Variants in KCNU1 observed in about 807,000 individuals in gnomAD.
KCNU1 encodes the protein potassium channel subfamily U member 1.
Under a neutral mutation model 126.8 loss-of-function variants are expected in KCNU1, and 93 were observed. That is an observed-to-expected ratio of 0.73 (90% CI 0.62 to 0.87). KCNU1 has a LOEUF of 0.87. Among genes scored for constraint, KCNU1 ranks in the 40% least tolerant of loss-of-function variants. The pLI is 0.00. For missense variants in KCNU1, 1,330 were observed against 1,367.1 expected, an observed-to-expected ratio of 0.97 and a Z score of 0.43; for synonymous variants, 523 against 494.2, an observed-to-expected ratio of 1.06 and a Z score of -0.77.
At chr8:36,874,018 G>A (rs1421517295) in intron 19 of KCNU1, among the ~76,000 whole-genome samples, 1 of 152,148 alleles carries the variant, frequency 6.6e-6, no homozygotes, top group East Asian at 1.9e-4. Flanking sequence ...AGAGAAGTGA[G>A]TTTCCATACC....
intron 7 of KCNU1, among the ~76,000 whole-genome samples, chr8:36,810,584 G>A (rs1803675242): frequency 6.6e-6 from 1 of 152,262 alleles, no homozygotes; most frequent in East Asian, 1.9e-4. Context: ...GGGGATATTT[G>A]CAAAGACAAG....
chr8:36,864,589 T>C, intron 19 of KCNU1, 68 bp downstream of exon 19: 1 of 892,180 alleles, frequency 1.1e-6, no homozygotes, highest in Non-Finnish European at 1.9e-6. Context: ...ATATATTGTA[T>C]TTAAACCAGA....
chr8:36,788,950 A>G (rs761454721), intron 2 of KCNU1, among the ~76,000 whole-genome samples: 40 of 152,372 alleles, frequency 2.6e-4, no homozygotes, highest in Non-Finnish European at 1.3e-4. Context: ...GAAAAATTAC[A>G]TACCAATAAA....
intron 19 of KCNU1, among the ~76,000 whole-genome samples, chr8:36,887,382 G>T (rs1387957831): frequency 6.7e-6 from 1 of 149,410 alleles, no homozygotes; most frequent in Non-Finnish European, 1.5e-5. Flanking sequence ...TTTATCTGAT[G>T]ATTAGTTGAG....
chr8:36,923,205 GTACAAATGCCCACTGAACACC>G (rs1808424530), intron 24 of KCNU1, among the ~76,000 whole-genome samples: 2 of 152,260 alleles, frequency 1.3e-5, no homozygotes, highest in Admixed American at 6.5e-5. Flanking sequence ...TTAATTCATT[GTACAAATGCCCACTGAACACC>G]TACTCTGCAC....
At chr8:36,875,833 G>C (rs1806260763) in intron 19 of KCNU1, among the ~76,000 whole-genome samples, 1 of 152,046 alleles carries the variant, frequency 6.6e-6, no homozygotes, top group African/African-American at 2.4e-5. Flanking sequence ...ACACTGTTTA[G>C]GTATAAATAT....
chr8:36,887,944 C>T (rs1003955919), intron 19 of KCNU1, among the ~76,000 whole-genome samples: 1 of 152,064 alleles, frequency 6.6e-6, no homozygotes, highest in South Asian at 2.1e-4. Context: ...TATGTTGAAA[C>T]AATAGAAGGG....
intron 21 of KCNU1, 29 bp from the exon 22 acceptor site, chr8:36,910,901 G>A: frequency 4.7e-6 from 7 of 1,503,900 alleles, no homozygotes; most frequent in Non-Finnish European, 6.4e-6. Context: ...CATCCGACCA[G>A]TGCCTCCTCT....
chr8:36,802,095 C>T (rs1025549204), intron 2 of KCNU1, among the ~76,000 whole-genome samples: 1 of 119,966 alleles, frequency 8.3e-6, no homozygotes, highest in Non-Finnish European at 1.6e-5. Context: ...GGGAAAAGAG[C>T]GAAACTCCGT....
Position 36,932,955 on chromosome 8 carries a change from A to T in KCNU1, c.2967A>T (p.Ser989=), listed in dbSNP as rs770476685. 4 of 1,576,582 alleles carry T rather than the reference A, an allele frequency of 2.5e-6. No homozygotes were observed. In the South Asian group the frequency reaches 3.5e-5, roughly 14 times the overall value. ...RNTFGQLFCG[S]LDLFGILCVG... ...CCTTTGGACAACTGTTCTGTGGCTC[A>T]TTAGATCTTTTTGGAATCCTGTGTG... Residue 989 remains serine (S), a synonymous_variant, in exon 26 of 27, where the codon TCA becomes TCT. Coordinates refer to ENST00000399881, the MANE Select transcript of KCNU1 (RefSeq NM_001031836.3).
intron 19 of KCNU1, among the ~76,000 whole-genome samples, chr8:36,892,779 T>C (rs1269351072): frequency 1.3e-5 from 2 of 152,106 alleles, no homozygotes; most frequent in African/African-American, 2.4e-5. Flanking sequence ...TTTACATCTT[T>C]GCCTAAGCCT....
At position 36,904,571 on chromosome 8, in the gene KCNU1, C is replaced by T. The variant is rs115179625; in HGVS notation, c.2010-1137C>T. Among the ~76,000 whole-genome samples the T allele has an allele frequency of 9.5e-3, 1,451 of 152,284 alleles. 15 individuals carry two copies. Among genetic ancestry groups the T allele is most frequent in the African/African-American group, 0.032 (1,337 of 41,566 alleles). The stretch of plus-strand genomic sequence containing the variant: ...CTTCTGGCAGAGACAGAAATGCTCA[C>T]TGAACATTTCAAGTTACTTCCCATG... On this transcript the variant is annotated intron_variant, in intron 19 of 26. Coordinates refer to ENST00000399881, the MANE Select transcript of KCNU1 (RefSeq NM_001031836.3).
intron 10 of KCNU1, among the ~76,000 whole-genome samples, chr8:36,818,909 C>T (rs181101844): frequency 4.6e-5 from 7 of 152,230 alleles, no homozygotes; most frequent in Admixed American, 3.9e-4. Context: ...AATCTGTGCA[C>T]TATTTAAATC....
chr8:36,798,865 T>C (rs951446888), intron 2 of KCNU1, among the ~76,000 whole-genome samples: 1 of 152,198 alleles, frequency 6.6e-6, no homozygotes, highest in South Asian at 2.1e-4. Flanking sequence ...GCACATGTTC[T>C]CAGGATCCCC....
chr8:36,849,518 G>A (rs900139854), intron 18 of KCNU1, among the ~76,000 whole-genome samples: 1 of 152,136 alleles, frequency 6.6e-6, no homozygotes, highest in Admixed American at 6.5e-5. Flanking sequence ...GAACCCAGGA[G>A]GTGCAGGTTG....
rs778145306 is a variant in KCNU1, at chr8:36,931,126, C to A, written c.2912C>A (p.Thr971Asn). Reference sequence around the variant, plus strand: ...CTGGGGCTTCTGTCCTTACACGAAACCATTTTATCAGACGTTAATGTGAGT... The same window carrying A: ...CTGGGGCTTCTGTCCTTACACGAAAACATTTTATCAGACGTTAATGTGAGT... ...CKLGLLSLHE[T>N]ILSDVNPRNT... The change falls in exon 25 of 27, where the codon ACC (threonine) becomes AAC (asparagine). Residue 971 changes from threonine (T) to asparagine (N), a missense_variant. Thr to Asn is a moderately conservative substitution (Grantham distance 65, BLOSUM62 0). This residue lies in a region of KCNU1 where 1,054 missense variants were observed against 1,053.9 expected (regional missense o/e 1.00). Coordinates refer to ENST00000399881, the MANE Select transcript of KCNU1 (RefSeq NM_001031836.3). The A allele has an allele frequency of 3.1e-5, 50 of 1,606,968 alleles. No homozygotes were observed. Among genetic ancestry groups the A allele is most frequent in the Non-Finnish European group, 4.0e-5 (47 of 1,177,012 alleles).
chr8:36,825,627 A>G (rs1804290859), intron 10 of KCNU1, among the ~76,000 whole-genome samples: 1 of 152,190 alleles, frequency 6.6e-6, no homozygotes, highest in South Asian at 2.1e-4. Context: ...CTAGGCTTTT[A>G]GTGTAAGTGT....
intron 16 of KCNU1, 26 bp downstream of exon 16, chr8:36,841,029 CA>C: frequency 6.0e-6 from 5 of 836,408 alleles, no homozygotes; most frequent in East Asian, 2.7e-5. Context: ...CTCATCTCTT[CA>C]GTTGTTTTTT....
intron 19 of KCNU1, among the ~76,000 whole-genome samples, chr8:36,886,076 G>A (rs1393439402): frequency 6.6e-6 from 1 of 152,078 alleles, no homozygotes; most frequent in Non-Finnish European, 1.5e-5. Flanking sequence ...CACCAATAGG[G>A]CTTCAGTATC....
Sources: allele counts gnomAD v4.1 joint callset (sites outside exome capture counted in the v4.1 genomes callset), GRCh38; gene constraint gnomAD v4.1.1; regional missense constraint gnomAD v4.1.1; transcripts MANE v1.5; gene names NCBI Gene and HGNC (gene_info 2026-07-23, HGNC 2026-07-21).